The following ZBTB46 variants were observed in gnomAD, a reference collection of about 807,000 sequenced individuals.
ZBTB46 encodes the protein zinc finger and BTB domain containing 46, also known as zinc finger and BTB domain-containing protein 46.
Under a neutral mutation model 44.1 loss-of-function variants are expected in ZBTB46, and 8 were observed. The ratio of observed to expected loss-of-function variants is 0.18; its 90% confidence interval spans 0.11 to 0.33. The LOEUF (loss-of-function observed/expected upper bound fraction) is 0.33. Among genes scored for constraint, ZBTB46 ranks in the 10% least tolerant of loss-of-function variants. The pLI is 1.00. For missense variants in ZBTB46, 651 were observed against 847.7 expected (o/e 0.77, Z 2.88); for synonymous variants, 409 against 382.3 (o/e 1.07, Z -0.81).
At chr20:63,748,298 G>A (rs930783540) in intron 4 of ZBTB46, among the ~76,000 whole-genome samples, 1 of 152,226 alleles carries the variant, frequency 6.6e-6, no homozygotes, top group African/African-American at 2.4e-5. Flanking sequence ...GTGGCAGGAC[G>A]CGAGGTGCTG....
chr20:63,775,810 C>G lies in ZBTB46; in HGVS notation c.1090G>C (p.Ala364Pro). ...GCGCGCAGGTTGGCCACCGCGGTGG[C>G]CTGATGCAGGGCGTCGTCCTTCTCT... Reference protein sequence around the residue: ...TPEKDDALHQATAVANLRAAL... With the variant: ...TPEKDDALHQPTAVANLRAAL... The change falls in exon 3 of 5, where the codon GCC (alanine) becomes CCC (proline). Residue 364 changes from alanine to proline, a missense_variant. Transcript: ENST00000245663. 1 of 1,613,424 alleles carries G rather than the reference C, an allele frequency of 6.2e-7. No individual in the cohort carries two copies. Among genetic ancestry groups the G allele is most frequent in the South Asian group, 1.1e-5 (1 of 91,062 alleles).
intron 4 of ZBTB46, among the ~76,000 whole-genome samples, chr20:63,749,588 G>A (rs550425574): frequency 2.0e-5 from 3 of 152,288 alleles, no homozygotes; most frequent in South Asian, 2.1e-4. Context: ...TGCCCGCCTT[G>A]GCCTCCCAAA....
At chr20:63,773,785 C>T (rs1434137828) in intron 3 of ZBTB46, among the ~76,000 whole-genome samples, 5 of 152,200 alleles carry the variant, frequency 3.3e-5, no homozygotes, top group African/African-American at 2.4e-5. Flanking sequence ...TCCCTCCTGA[C>T]GCCCACGAAA....
Position 63,746,728 on chromosome 20 carries a change from GTC to G in ZBTB46, c.*200_*201del. 1 of 779,982 alleles carries G rather than the reference GTC, an allele frequency of 1.3e-6. No individual in the cohort carries two copies. The highest frequency in any genetic ancestry group is 3.1e-5 in the East Asian group (1 of 32,438). The allele number at this position is 779,982 out of a possible 1,614,324, so 48.3% of individuals were successfully genotyped here. ...TGTGCCCTCCCCCAACTCACTTCAT[GTC>G]TGGTCCCAGAGCACCCCTCTTGCTG... On this transcript the variant is annotated 3_prime_UTR_variant, in exon 5 of 5. Transcript: ENST00000245663.
intron 2 of ZBTB46, among the ~76,000 whole-genome samples, chr20:63,781,856 T>C (rs6122030): frequency 0.54 from 81,859 of 150,536 alleles, 22,390 homozygotes; most frequent in South Asian, 0.62. Context: ...GAGGCTGAGG[T>C]GGGCAGATCA....
At chr20:63,771,671 C>T (rs747767739) in intron 3 of ZBTB46, among the ~76,000 whole-genome samples, 1 of 152,202 alleles carries the variant, frequency 6.6e-6, no homozygotes, top group Non-Finnish European at 1.5e-5. Context: ...CTTCCCTGGA[C>T]GCAGGCGCTG....
rs546395104 is a variant in ZBTB46 at position 63,775,685 on chromosome 20, C to T, written c.1215G>A (p.Ser405=). 98 of 1,570,106 alleles carry T rather than the reference C, an allele frequency of 6.2e-5. 2 individuals are homozygous for T. In the South Asian group the frequency reaches 1.1e-3, roughly 17 times the overall value. Residue 405 remains serine (S), a synonymous_variant, in exon 3 of 5, where the codon TCG becomes TCA. Coordinates refer to ENST00000245663, the MANE Select transcript of ZBTB46 (RefSeq NM_001369741.1). ...LFEYLPRGAH[S]LSLNEFTVIR... ...CCCAGGGCCTGCACTTACGGGACAGCGAGTGGGCCCCTCTGGGCAGGTACT... is the reference window on the plus strand; with the variant it reads ...CCCAGGGCCTGCACTTACGGGACAGTGAGTGGGCCCCTCTGGGCAGGTACT...
At chr20:63,777,372 C>T (rs1306437497) in intron 2 of ZBTB46, among the ~76,000 whole-genome samples, 5 of 152,248 alleles carry the variant, frequency 3.3e-5, no homozygotes, top group East Asian at 1.9e-4. Context: ...GAGGCTGCGG[C>T]GGGAGGATCA....
At chr20:63,747,600 CCGAG>C (rs1447998697) in intron 4 of ZBTB46, among the ~76,000 whole-genome samples, 1 of 147,068 alleles carries the variant, frequency 6.8e-6, no homozygotes, top group East Asian at 2.2e-4. Context: ...CCCGGGCCCT[CCGAG>C]TGTCTGCACA....
intron 3 of ZBTB46, among the ~76,000 whole-genome samples, chr20:63,771,464 C>T (rs1427797952): frequency 6.6e-6 from 1 of 152,118 alleles, no homozygotes; most frequent in East Asian, 1.9e-4. Context: ...CTTAGAAGTC[C>T]GTGAGTTCAA....
chr20:63,768,370 C>G (rs1317392836), intron 3 of ZBTB46, among the ~76,000 whole-genome samples: 1 of 152,210 alleles, frequency 6.6e-6, no homozygotes, highest in Non-Finnish European at 1.5e-5. Flanking sequence ...GCAGGCGGAT[C>G]ACCTGAGGTC....
chr20:63,831,480 G>A (rs1316026793), upstream of ZBTB46, among the ~76,000 whole-genome samples: 2 of 145,778 alleles, frequency 1.4e-5, no homozygotes. Flanking sequence ...GGGGTCGCAG[G>A]GGGCCGCGCC....
At chr20:63,760,997 CTCTT>C (rs901143452) in intron 3 of ZBTB46, among the ~76,000 whole-genome samples, 14 of 114,624 alleles carry the variant, frequency 1.2e-4, no homozygotes, top group African/African-American at 3.2e-4. Flanking sequence ...TCATTGATAG[CTCTT>C]TTTTTTTTTT....
intron 1 of ZBTB46, chr20:63,814,789 T>C (rs1016577853): frequency 6.6e-6 from 1 of 152,534 alleles, no homozygotes. Context: ...CACAATGCTA[T>C]GTGCTAAATT....
intron 1 of ZBTB46, among the ~76,000 whole-genome samples, chr20:63,822,414 G>A (rs1037605340): frequency 3.3e-5 from 5 of 152,120 alleles, no homozygotes; most frequent in East Asian, 3.9e-4. Context: ...ACGTGTACAC[G>A]CATGCAAAAC....
chr20:63,831,582 G>A (rs1193101600), upstream of ZBTB46, among the ~76,000 whole-genome samples: 1 of 148,912 alleles, frequency 6.7e-6, no homozygotes, highest in East Asian at 2.0e-4. Context: ...CCCCTGGGCT[G>A]GCGGGGGGCT....
intron 3 of ZBTB46, among the ~76,000 whole-genome samples, chr20:63,761,060 A>G (rs2092270749): frequency 7.1e-6 from 1 of 141,162 alleles, no homozygotes; most frequent in South Asian, 2.2e-4. Context: ...GTGTGGTGCC[A>G]TGATCTCGGC....
intron 3 of ZBTB46, among the ~76,000 whole-genome samples, chr20:63,756,040 CCT>C (rs1333937310): frequency 6.6e-6 from 1 of 152,172 alleles, no homozygotes; most frequent in Non-Finnish European, 1.5e-5. Context: ...CAGAATTGCC[CCT>C]GTGAAAACAC....
At position 63,752,539 on chromosome 20, in the gene ZBTB46, G is replaced by A. The variant is rs2092178365; in HGVS notation, c.1398+147C>T. The A allele has an allele frequency of 3.4e-5, 34 of 1,007,736 alleles. No homozygotes were observed. The highest frequency in any genetic ancestry group is 4.2e-5 in the Non-Finnish European group (32 of 753,170). The allele number at this position is 1,007,736 out of a possible 1,614,324, so 62.4% of individuals were successfully genotyped here. Reference sequence around the variant, plus strand: ...GGGGCAGAGCAGACAGGGGCCCGGGGCGGATCTCCCTGCCCTGCTGTCGTC... The same window carrying A: ...GGGGCAGAGCAGACAGGGGCCCGGGACGGATCTCCCTGCCCTGCTGTCGTC... On this transcript the variant is annotated intron_variant, in intron 4 of 4. Transcript: ENST00000245663. The surrounding 1 kb of genome is among the most constrained non-coding windows in gnomAD (Gnocchi z 5.6).
Sources: allele counts gnomAD v4.1 joint callset (sites outside exome capture counted in the v4.1 genomes callset), GRCh38; gene constraint gnomAD v4.1.1; non-coding constraint Gnocchi (gnomAD v3.1); transcripts MANE v1.5; gene names NCBI Gene and HGNC (gene_info 2026-07-23, HGNC 2026-07-21).